AKAP9: variants seen among roughly 807,000 people sequenced by gnomAD.
The protein encoded by AKAP9 is A-kinase anchor protein 9.
In AKAP9, 311 loss-of-function variants were observed where a neutral mutation model predicts 488.5. That is an observed-to-expected ratio of 0.64 (90% CI 0.58 to 0.70). The LOEUF (loss-of-function observed/expected upper bound fraction) is 0.70. Ranked by LOEUF, AKAP9 falls within the 30% of genes least tolerant of loss-of-function variation. AKAP9 has a pLI of 0.00. For synonymous variants in AKAP9, 1,462 were observed against 1,483.5 expected (o/e 0.99, Z 0.33); for missense variants, 4,215 against 4,374.5 (o/e 0.96, Z 1.03).
chr7:91,979,020 C>A (rs1796062048), intron 2 of AKAP9, among the ~76,000 whole-genome samples: 1 of 150,696 alleles, frequency 6.6e-6, no homozygotes, highest in Non-Finnish European at 1.5e-5. Context: ...TTAAATGATC[C>A]ACCCACCTCA....
intron 1 of AKAP9, among the ~76,000 whole-genome samples, chr7:91,972,073 T>C (rs1285671824): frequency 6.6e-6 from 1 of 151,022 alleles, no homozygotes; most frequent in African/African-American, 2.4e-5. Context: ...CCCAGTTTGC[T>C]TCAGTTCTAG....
intron 1 of AKAP9, among the ~76,000 whole-genome samples, chr7:91,969,681 A>G (rs1333323211): frequency 6.6e-6 from 1 of 152,110 alleles, no homozygotes; most frequent in East Asian, 1.9e-4. Flanking sequence ...CTCTTTTTAT[A>G]GTCTTGACTG....
chr7:91,964,215 C>A (rs1459691013), intron 1 of AKAP9, among the ~76,000 whole-genome samples: 1 of 152,150 alleles, frequency 6.6e-6, no homozygotes, highest in Non-Finnish European at 1.5e-5. Context: ...AAAATTCAAG[C>A]TAGATACGAT....
intron 14 of AKAP9, 149 bp downstream of exon 14, chr7:92,023,158 A>T: frequency 1.3e-6 from 1 of 755,820 alleles, no homozygotes; most frequent in South Asian, 1.5e-5. Flanking sequence ...AGAGCAAGAG[A>T]TCATTCTATA....
chr7:92,012,307 A>G, intron 8 of AKAP9, 122 bp from the exon 9 acceptor site: 1 of 875,006 alleles, frequency 1.1e-6, no homozygotes. Flanking sequence ...ATAGAAAAAA[A>G]ATTAGACTTC....
chr7:92,035,451 C>T (rs1805034550), intron 16 of AKAP9, among the ~76,000 whole-genome samples: 1 of 152,098 alleles, frequency 6.6e-6, no homozygotes, highest in South Asian at 2.1e-4. Flanking sequence ...CCTCTGGTGC[C>T]ATTTTTCTTT....
intron 1 of AKAP9, among the ~76,000 whole-genome samples, chr7:91,951,427 T>G (rs1792234226): frequency 6.6e-6 from 1 of 152,074 alleles, no homozygotes; most frequent in Non-Finnish European, 1.5e-5. Context: ...TGAATTCAAT[T>G]GATCCTCTCA....
rs773017487 is a variant in AKAP9 at position 91,973,860 on chromosome 7, C to A, written c.198C>A (p.Tyr66Ter). 1.2e-6 allele frequency: 2 copies of A among 1,613,834 alleles called. No individual in the cohort carries two copies. Among genetic ancestry groups the A allele is most frequent in the African/African-American group, 2.7e-5 (2 of 74,870 alleles). ...NIDQSQCNEMYINSSQRVEST... is the reference protein window; with the variant it reads ...NIDQSQCNEM The stretch of plus-strand genomic sequence containing the variant: ...ATCAATCACAGTGTAATGAAATGTA[C>A]ATAAATAGTTCTCAGAGAGTAGAAT... The change falls in exon 2 of 50, where the codon TAC becomes TAA. Residue 66 changes from tyrosine (Y) to a stop codon, truncating the protein, a stop_gained. Coordinates refer to ENST00000356239, the MANE Select transcript of AKAP9 (RefSeq NM_005751.5). LOFTEE classifies it high-confidence loss of function.
chr7:92,002,033 C>T lies in AKAP9; in HGVS notation c.2116C>T (p.Gln706Ter). The T allele has an allele frequency of 6.2e-7, 1 of 1,607,746 alleles. No homozygotes were observed. Among genetic ancestry groups the T allele is most frequent in the Non-Finnish European group, 8.5e-7 (1 of 1,177,954 alleles). ...GGAAATTTCAAAGCTAAAAGATTTA[C>T]AGCAGTCTCTTGTAAATTCAAAGTC... ...ILEISKLKDLQQSLVNSKSEE... is the reference protein window; with the variant it reads ...ILEISKLKDL The change falls in exon 8 of 50, where the codon CAG becomes TAG. Residue 706 changes from glutamine to a stop codon, truncating the protein, a stop_gained. Transcript: ENST00000356239. LOFTEE classifies it high-confidence loss of function.
rs764001486 is a variant in AKAP9, at chr7:92,082,597, G to T, written c.8095G>T (p.Val2699Leu). 6.2e-7 allele frequency: 1 copy of T among 1,614,036 alleles called. No homozygotes were observed. The highest frequency in any genetic ancestry group is 1.1e-5 in the South Asian group (1 of 91,080). The change falls in exon 32 of 50, where the codon GTG becomes TTG. Residue 2699 changes from valine to leucine, a missense_variant. Physicochemically the swap from Val to Leu is conservative, Grantham distance 32. Around this residue, in one of 5 missense-constraint regions of AKAP9, gnomAD observed 1,476 missense variants for 1,477.4 expected, o/e 1.00. Transcript: ENST00000356239. ...ACTCGAGGCTCTTAGAGCTGAATCAGTGGCTACCAAAGCAGAACTTGCCAG... is the reference window on the plus strand; with the variant it reads ...ACTCGAGGCTCTTAGAGCTGAATCATTGGCTACCAAAGCAGAACTTGCCAG... Reference protein sequence around the residue: ...NELEALRAESVATKAELASYK... With the variant: ...NELEALRAESLATKAELASYK...
intron 15 of AKAP9, 92 bp from the exon 16 acceptor site, chr7:92,031,420 C>G (rs1304505756): frequency 3.5e-6 from 3 of 864,634 alleles, no homozygotes; most frequent in Admixed American, 4.2e-5. Flanking sequence ...TCTAAAAATA[C>G]TGATACTTTG....
At chr7:92,104,193 T>TATTTATTTATTTATTTA (rs34894824) in intron 46 of AKAP9, among the ~76,000 whole-genome samples, 9 of 136,602 alleles carry the variant, frequency 6.6e-5, no homozygotes, top group African/African-American at 2.6e-4. Context: ...TTTATTTATT[T>TATTTATTTATTTATTTA]TTTTTTTTTT....
At chr7:92,101,310 C>T (rs930523909) in intron 45 of AKAP9, among the ~76,000 whole-genome samples, 5 of 151,940 alleles carry the variant, frequency 3.3e-5, no homozygotes, top group Admixed American at 6.6e-5. Flanking sequence ...GGCGTGGTGG[C>T]GGGTGCCTGT....
At position 92,079,543 on chromosome 7, in the gene AKAP9, A is replaced by G; in HGVS notation, c.7410A>G (p.Thr2470=). Residue 2470 remains threonine (T), a synonymous_variant, in exon 31 of 50, where the codon ACA becomes ACG. Transcript: ENST00000356239. ...AACCTGAACTAGAAGTAGTCCTTAC[A>G]GAGGATGCTCTTAAATCCCTAGAAA... The part of the protein sequence containing the change: ...KDKPELEVVL[T]EDALKSLENQ... 6.2e-7 allele frequency: 1 copy of G among 1,613,836 alleles called. No homozygotes were observed. Among genetic ancestry groups the G allele is most frequent in the Middle Eastern group, 1.7e-4 (1 of 6,060 alleles).
chr7:91,995,890 G>T, intron 7 of AKAP9, 90 bp downstream of exon 7: 2 of 907,838 alleles, frequency 2.2e-6, no homozygotes, highest in Non-Finnish European at 3.4e-6. Flanking sequence ...TTAGGCACAT[G>T]AATCACAAAA....
intron 14 of AKAP9, among the ~76,000 whole-genome samples, chr7:92,024,355 T>C (rs1160626953): frequency 6.6e-6 from 1 of 151,220 alleles, no homozygotes; most frequent in Non-Finnish European, 1.5e-5. Context: ...GAGGTTGCAG[T>C]GAGCTGAATT....
intron 3 of AKAP9, among the ~76,000 whole-genome samples, chr7:91,981,582 T>C (rs1391411736): frequency 6.6e-6 from 1 of 150,946 alleles, no homozygotes; most frequent in East Asian, 2.0e-4. Flanking sequence ...TATAATGCTC[T>C]AATTTTTATA....
At chr7:92,008,406 C>T (rs1024704738) in intron 8 of AKAP9, among the ~76,000 whole-genome samples, 1 of 148,300 alleles carries the variant, frequency 6.7e-6, no homozygotes, top group Admixed American at 6.7e-5. Flanking sequence ...GAATATGGGC[C>T]AGCGGGCGTG....
intron 14 of AKAP9, among the ~76,000 whole-genome samples, chr7:92,023,935 C>T (rs1291953539): frequency 6.6e-6 from 1 of 152,082 alleles, no homozygotes; most frequent in East Asian, 1.9e-4. Context: ...AACACCCTCA[C>T]CTTCTTTGGA....
Sources: allele counts gnomAD v4.1 joint callset (sites outside exome capture counted in the v4.1 genomes callset), GRCh38; gene constraint gnomAD v4.1.1; regional missense constraint gnomAD v4.1.1; transcripts MANE v1.5; gene names NCBI Gene and HGNC (gene_info 2026-07-23, HGNC 2026-07-21).